Variants in JAK2 observed in about 807,000 individuals in gnomAD.
JAK2 encodes Janus kinase 2.
In JAK2, 86 loss-of-function variants were observed where a neutral mutation model predicts 139.3. The observed-to-expected ratio is 0.62, with a 90% confidence interval of 0.52 to 0.74. The LOEUF (loss-of-function observed/expected upper bound fraction) is 0.74, where lower values mean the gene tolerates loss of function less well. JAK2 is among the 30% of genes least tolerant of loss of function. The pLI is 0.00. For missense variants in JAK2, 1,421 were observed against 1,360.3 expected (o/e 1.04, Z -0.70); for synonymous variants, 490 against 437.7 (o/e 1.12, Z -1.49).
intron 3 of JAK2, among the ~76,000 whole-genome samples, chr9:5,027,797 A>G (rs1822875041): frequency 6.6e-6 from 1 of 152,242 alleles, no homozygotes; most frequent in Non-Finnish European, 1.5e-5. Flanking sequence ...TTGCTCATCC[A>G]TAAAAAGCAA....
chr9:5,082,977 G>C (rs747726705), intron 19 of JAK2, among the ~76,000 whole-genome samples: 32 of 152,170 alleles, frequency 2.1e-4, no homozygotes, highest in Non-Finnish European at 4.3e-4. Flanking sequence ...GTAACACACT[G>C]ATCTCTCTTT....
At chr9:4,997,131 C>T (rs1001306673) in intron 2 of JAK2, among the ~76,000 whole-genome samples, 4 of 151,704 alleles carry the variant, frequency 2.6e-5, no homozygotes, top group African/African-American at 7.3e-5. Flanking sequence ...GGGGTTTCAC[C>T]GTGTCACTCA....
chr9:5,062,500 TAAAAA>T (rs58424625), intron 8 of JAK2, among the ~76,000 whole-genome samples: 41 of 58,238 alleles, frequency 7.0e-4, no homozygotes, highest in African/African-American at 3.4e-3. Flanking sequence ...CTTCCATTTG[TAAAAA>T]AAAAAAAAAA....
intron 22 of JAK2, chr9:5,112,629 A>G: frequency 1.0e-6 from 1 of 990,684 alleles, no homozygotes; most frequent in Admixed American, 2.6e-5. Context: ...CTGCACCTCA[A>G]CAGCGAGAAG....
At chr9:5,020,090 C>T (rs1044644691) in intron 2 of JAK2, among the ~76,000 whole-genome samples, 1 of 152,186 alleles carries the variant, frequency 6.6e-6, no homozygotes, top group Admixed American at 6.5e-5. Context: ...GGCCCCTGGG[C>T]AGTGAGCATG....
chr9:5,109,805 C>G (rs1007733562), intron 22 of JAK2: 2 of 152,024 alleles, frequency 1.3e-5, no homozygotes, highest in African/African-American at 2.4e-5. Context: ...AAACTCAGAC[C>G]CTAACATTAA....
intron 2 of JAK2, among the ~76,000 whole-genome samples, chr9:5,017,479 A>G (rs533584240): frequency 9.2e-5 from 14 of 152,248 alleles, no homozygotes; most frequent in African/African-American, 2.6e-4. Flanking sequence ...TATAGTTTCT[A>G]TGTCATTTAT....
chr9:5,041,983 T>A, intron 4 of JAK2: 1 of 364,578 alleles, frequency 2.7e-6, no homozygotes, highest in Non-Finnish European at 5.3e-6. Flanking sequence ...AGCGAGCTTG[T>A]GTGAGGGCCT....
chr9:5,084,535 TA>T (rs923915474), intron 19 of JAK2, among the ~76,000 whole-genome samples: 52 of 152,270 alleles, frequency 3.4e-4, no homozygotes, highest in Admixed American at 2.9e-3. Context: ...AATAATGGTA[TA>T]TTTTTTTATT....
At chr9:5,111,799 C>G in intron 22 of JAK2, 1 of 423,310 alleles carries the variant, frequency 2.4e-6, no homozygotes, top group Non-Finnish European at 4.7e-6. Flanking sequence ...CCTTGGCCCC[C>G]GGAGCCACGT....
chr9:5,118,557 C>G (rs537349148), intron 22 of JAK2, among the ~76,000 whole-genome samples: 1 of 152,212 alleles, frequency 6.6e-6, no homozygotes, highest in African/African-American at 2.4e-5. Context: ...GGAACAATCC[C>G]TCCCCTCCAA....
intron 22 of JAK2, among the ~76,000 whole-genome samples, chr9:5,102,180 G>A (rs1369229349): frequency 1.3e-5 from 2 of 152,182 alleles, no homozygotes; most frequent in East Asian, 3.9e-4. Context: ...AATAAACAGT[G>A]TAGAGAAGAC....
chr9:5,096,252 AGTTATAACTTAGAAATTTAG>A (rs1190880196), intron 22 of JAK2, among the ~76,000 whole-genome samples: 2 of 152,178 alleles, frequency 1.3e-5, no homozygotes, highest in African/African-American at 4.8e-5. Context: ...CACTGATTCT[AGTTATAACTTAGAAATTTAG>A]GTTAAATAAG....
chr9:5,091,034 C>T, intron 22 of JAK2, 123 bp downstream of exon 22: 1 of 744,566 alleles, frequency 1.3e-6, no homozygotes. Flanking sequence ...TCTTTTAAGT[C>T]TTACATTTAA....
At chr9:5,116,740 A>G (rs1417278794) in intron 22 of JAK2, among the ~76,000 whole-genome samples, 1 of 152,220 alleles carries the variant, frequency 6.6e-6, no homozygotes, top group Admixed American at 6.5e-5. Context: ...CTTAGTAGAA[A>G]GGCTGAACTA....
Position 5,126,431 on chromosome 9 carries a change from T to C in JAK2, c.3276T>C (p.Asp1092=). ...LKNNGRLPRP[D]GCPDEIYMIM... ...ATAATGGAAGATTACCAAGACCAGA[T>C]GGATGCCCAGATGAGGTAACAATTT... The change falls in exon 24 of 25, where the codon GAT becomes GAC. Residue 1092 remains aspartate (D), a synonymous_variant. Transcript: ENST00000381652. The C allele has an allele frequency of 6.2e-7, 1 of 1,606,844 alleles. No homozygotes were observed. Among genetic ancestry groups the C allele is most frequent in the Non-Finnish European group, 8.5e-7 (1 of 1,174,754 alleles).
chr9:5,053,185 T>C (rs1817542869), intron 6 of JAK2, among the ~76,000 whole-genome samples: 1 of 152,106 alleles, frequency 6.6e-6, no homozygotes, highest in Non-Finnish European at 1.5e-5. Context: ...GTGGAAGTGC[T>C]GTCTCATTCT....
intron 22 of JAK2, chr9:5,113,884 A>G: frequency 4.7e-6 from 1 of 214,308 alleles, no homozygotes; most frequent in South Asian, 6.9e-5. Flanking sequence ...CACCGTGAAG[A>G]TCTTACAGTC....
intron 3 of JAK2, among the ~76,000 whole-genome samples, chr9:5,023,240 G>A (rs1822550724): frequency 6.6e-6 from 1 of 152,176 alleles, no homozygotes; most frequent in Admixed American, 6.5e-5. Flanking sequence ...TCCCACATAT[G>A]AATGAGAACT....
Sources: allele counts gnomAD v4.1 joint callset (sites outside exome capture counted in the v4.1 genomes callset), GRCh38; gene constraint gnomAD v4.1.1; transcripts MANE v1.5; gene names NCBI Gene and HGNC (gene_info 2026-07-23, HGNC 2026-07-21).